The following CAMK2D variants were observed in gnomAD, a reference collection of about 807,000 sequenced individuals.
CAMK2D encodes calcium/calmodulin dependent protein kinase II delta.
In CAMK2D, 37 loss-of-function variants were observed where a neutral mutation model predicts 84.0. The ratio of observed to expected loss-of-function variants is 0.44; its 90% CI spans 0.34 to 0.58. The LOEUF (loss-of-function observed/expected upper bound fraction) is 0.58. CAMK2D is among the 20% of genes least tolerant of loss of function. CAMK2D has a pLI of 0.02. For synonymous variants in CAMK2D, 202 were observed against 212.5 expected, an observed-to-expected ratio of 0.95 and a Z score of 0.43; for missense variants, 448 against 652.5, an observed-to-expected ratio of 0.69 and a Z score of 3.41.
chr4:113,653,054 C>A (rs2099182090), intron 3 of CAMK2D, among the ~76,000 whole-genome samples: 1 of 151,932 alleles, frequency 6.6e-6, no homozygotes, highest in Admixed American at 6.6e-5. Context: ...CTTGAATATA[C>A]AATTTTTATA....
intron 19 of CAMK2D, 186 bp downstream of exon 19, chr4:113,457,149 A>C: frequency 1.4e-6 from 2 of 1,426,068 alleles, no homozygotes; most frequent in South Asian, 1.5e-5. Context: ...GTTTCAACCC[A>C]CAAATGGCTG....
At chr4:113,718,708 C>T (rs555946388) in intron 2 of CAMK2D, among the ~76,000 whole-genome samples, 3 of 152,268 alleles carry the variant, frequency 2.0e-5, no homozygotes, top group African/African-American at 7.2e-5. Flanking sequence ...AAGTTCCTCC[C>T]GAAGTTAGTT....
chr4:113,470,006 CCT>C lies in CAMK2D; in HGVS notation c.1136-4404_1136-4403del, dbSNP rs141407001. On this transcript the variant is annotated intron_variant, in intron 16 of 20. Coordinates refer to ENST00000511664, the MANE Select transcript of CAMK2D (RefSeq NM_001321571.2). ...TATTCTGTTCTCTACAATGCAACCA[CCT>C]CTCTCTCTCTCTTTCTTTTTTTTAA... 1.2e-3 allele frequency among the ~76,000 whole-genome samples: 180 copies of C among 151,706 alleles called. 3 individuals are homozygous for C. In the East Asian group the frequency reaches 0.027, roughly 23 times the overall value.
rs1412156382 is a variant in CAMK2D at position 113,452,118 on chromosome 4, A to G, written c.*2427T>C. On this transcript the variant is annotated 3_prime_UTR_variant, in exon 21 of 21. Transcript: ENST00000511664. ...GAAATGATAACATCAAAGTGTTACA[A>G]GGACAGGTTCGTATTAAAAAAAAAA... 2 of 139,224 alleles carry G rather than the reference A, an allele frequency of 1.4e-5. No individual in the cohort carries two copies. Among genetic ancestry groups the G allele is most frequent in the Non-Finnish European group, 3.0e-5 (2 of 65,806 alleles). The allele number at this position is 139,224 out of a possible 1,614,324, so 8.6% of individuals were successfully genotyped here.
At chr4:113,524,479 T>C (rs2098401277) in intron 8 of CAMK2D, among the ~76,000 whole-genome samples, 1 of 152,206 alleles carries the variant, frequency 6.6e-6, no homozygotes, top group African/African-American at 2.4e-5. Context: ...TTCCTTCTTT[T>C]TTAAGGTTGT....
At chr4:113,602,796 T>C (rs1274113926) in intron 4 of CAMK2D, among the ~76,000 whole-genome samples, 1 of 152,228 alleles carries the variant, frequency 6.6e-6, no homozygotes, top group Non-Finnish European at 1.5e-5. Flanking sequence ...CGTCTGTTTG[T>C]TTGTTTTTTC....
chr4:113,492,694 C>T (rs1298591468), intron 16 of CAMK2D, among the ~76,000 whole-genome samples: 2 of 149,346 alleles, frequency 1.3e-5, no homozygotes, highest in East Asian at 1.9e-4. Context: ...TCCTGGTTAT[C>T]CTTGTTGACT....
intron 2 of CAMK2D, among the ~76,000 whole-genome samples, chr4:113,725,343 G>C (rs11724727): frequency 0.15 from 22,657 of 152,068 alleles, 2,803 homozygotes; most frequent in African/African-American, 0.34. Flanking sequence ...AGTGGAAACA[G>C]GGTGTGAAAA....
chr4:113,571,719 A>G (rs909133394), intron 4 of CAMK2D, among the ~76,000 whole-genome samples: 1 of 152,152 alleles, frequency 6.6e-6, no homozygotes, highest in Non-Finnish European at 1.5e-5. Context: ...ACTAAAAAAT[A>G]AAAAAATTAG....
intron 16 of CAMK2D, among the ~76,000 whole-genome samples, chr4:113,494,747 C>T (rs539035265): frequency 0.023 from 3,493 of 152,198 alleles, 69 homozygotes; most frequent in Middle Eastern, 0.079. Context: ...GCCTCGCTGC[C>T]GCCTTGCAGT....
chr4:113,478,906 A>G (rs73841639), intron 16 of CAMK2D, among the ~76,000 whole-genome samples: 54 of 152,306 alleles, frequency 3.5e-4, no homozygotes, highest in African/African-American at 1.3e-3. Flanking sequence ...AAATTTGAAA[A>G]CACATAATGG....
At chr4:113,555,754 T>C (rs2098660254) in intron 4 of CAMK2D, among the ~76,000 whole-genome samples, 1 of 152,146 alleles carries the variant, frequency 6.6e-6, no homozygotes, top group South Asian at 2.1e-4. Flanking sequence ...GTGCTTATTG[T>C]GTGTGCAACT....
intron 2 of CAMK2D, among the ~76,000 whole-genome samples, chr4:113,741,022 T>G (rs59134535): frequency 0.027 from 4,124 of 152,256 alleles, 198 homozygotes; most frequent in African/African-American, 0.094. Context: ...AATCATCCCT[T>G]TGTCCAGTGG....
At chr4:113,686,674 T>A (rs2099360665) in intron 2 of CAMK2D, among the ~76,000 whole-genome samples, 1 of 152,184 alleles carries the variant, frequency 6.6e-6, no homozygotes, top group African/African-American at 2.4e-5. Flanking sequence ...AACCCAAGCA[T>A]CTGGAGTCCT....
intron 2 of CAMK2D, among the ~76,000 whole-genome samples, chr4:113,686,858 G>A (rs913341044): frequency 2.3e-5 from 3 of 127,894 alleles, no homozygotes; most frequent in African/African-American, 6.1e-5. Flanking sequence ...ACAGGTATGT[G>A]TATACACACA....
At chr4:113,496,585 A>G (rs1402039627) in intron 16 of CAMK2D, among the ~76,000 whole-genome samples, 1 of 151,662 alleles carries the variant, frequency 6.6e-6, no homozygotes, top group Non-Finnish European at 1.5e-5. Context: ...AGTTGCTGGG[A>G]TTACAGGCGC....
At position 113,688,023 on chromosome 4, in the gene CAMK2D, A is replaced by C. The variant is rs551680380; in HGVS notation, c.161-26251T>G. 1.3e-3 allele frequency among the ~76,000 whole-genome samples: 194 copies of C among 152,352 alleles called. 4 individuals carry two copies. In the South Asian group the frequency reaches 0.039, roughly 31 times the overall value. On this transcript the variant is annotated intron_variant, in intron 2 of 20. Coordinates refer to ENST00000511664, the MANE Select transcript of CAMK2D (RefSeq NM_001321571.2). ...AACATTCACTAGGTAGATCAGGCTC[A>C]GCAAAATAAAAGCATTTAATTCTCT...
At chr4:113,544,946 A>G (rs1271145561) in intron 6 of CAMK2D, among the ~76,000 whole-genome samples, 1 of 152,050 alleles carries the variant, frequency 6.6e-6, no homozygotes, top group Non-Finnish European at 1.5e-5. Flanking sequence ...TGCCTGTTGT[A>G]CCTCAGTCTT....
intron 16 of CAMK2D, among the ~76,000 whole-genome samples, chr4:113,480,186 C>T (rs1375035080): frequency 6.6e-6 from 1 of 152,080 alleles, no homozygotes; most frequent in Non-Finnish European, 1.5e-5. Context: ...TTGTCTCGAA[C>T]TCCTGAGTTC....
Sources: gnomAD v4.1 joint callset for allele counts (sites outside exome capture counted in the v4.1 genomes callset) on GRCh38, gnomAD v4.1.1 for gene constraint, MANE v1.5 for transcripts, NCBI Gene and HGNC (gene_info 2026-07-23, HGNC 2026-07-21) for gene names.